Variants in GRM5 observed in about 807,000 individuals in gnomAD.
The protein encoded by GRM5 is metabotropic glutamate receptor 5.
Under a neutral mutation model 83.1 loss-of-function variants are expected in GRM5, and 19 were observed. The ratio of observed to expected loss-of-function variants is 0.23; its 90% CI spans 0.16 to 0.34. The LOEUF is 0.34. GRM5 is among the 10% of genes least tolerant of loss of function. GRM5 has a pLI of 1.00. For synonymous variants in GRM5, 675 were observed against 633.6 expected, an observed-to-expected ratio of 1.07 and a Z score of -0.98; for missense variants, 1,160 against 1,588.3, an observed-to-expected ratio of 0.73 and a Z score of 4.58.
chr11:88,711,800 T>TTA (rs1941287556), intron 3 of GRM5, among the ~76,000 whole-genome samples: 1 of 151,780 alleles, frequency 6.6e-6, no homozygotes, highest in Admixed American at 6.6e-5. Flanking sequence ...AACAAAAGTT[T>TTA]AGAGACTTTT....
intron 2 of GRM5, among the ~76,000 whole-genome samples, chr11:88,923,850 T>A (rs1426862175): frequency 6.9e-6 from 1 of 145,458 alleles, no homozygotes; most frequent in Non-Finnish European, 1.5e-5. Flanking sequence ...ATATATATAT[T>A]CATATATATT....
chr11:88,680,774 C>T (rs1940461149), intron 3 of GRM5, among the ~76,000 whole-genome samples: 1 of 152,164 alleles, frequency 6.6e-6, no homozygotes, highest in Non-Finnish European at 1.5e-5. Flanking sequence ...GTCTACATCC[C>T]ACCTTCTATT....
At chr11:88,649,165 ATGTG>A (rs1441708140) in intron 4 of GRM5, among the ~76,000 whole-genome samples, 1 of 134,732 alleles carries the variant, frequency 7.4e-6, no homozygotes, top group Non-Finnish European at 1.5e-5. Flanking sequence ...ATATACATAC[ATGTG>A]TATGTATATA....
chr11:88,654,528 A>G lies in GRM5; in HGVS notation c.912-1125T>C, dbSNP rs113273301. On this transcript the variant is annotated intron_variant, in intron 3 of 9. Transcript: ENST00000305447. ...GGGAAAATTTGACTAAATTACAAGTAACCTCAAAGAGAGAAGAGAAGGAAT... is the reference window on the plus strand; with the variant it reads ...GGGAAAATTTGACTAAATTACAAGTGACCTCAAAGAGAGAAGAGAAGGAAT... Among the ~76,000 whole-genome samples the G allele has an allele frequency of 4.5e-3, 681 of 152,202 alleles. 2 individuals are homozygous for G. The highest frequency in any genetic ancestry group is 0.015 in the African/African-American group (615 of 41,554).
intron 2 of GRM5, among the ~76,000 whole-genome samples, chr11:88,998,969 C>G (rs984907236): frequency 1.3e-5 from 2 of 151,802 alleles, no homozygotes; most frequent in African/African-American, 4.8e-5. Context: ...ACAAACCTGA[C>G]AAAAACAAGA....
chr11:88,596,018 T>G (rs1283505363), intron 6 of GRM5, among the ~76,000 whole-genome samples: 1 of 36,578 alleles, frequency 2.7e-5, no homozygotes, highest in Non-Finnish European at 1.3e-4. Flanking sequence ...TGCTCTAGAC[T>G]AAGCTTTAAT....
intron 8 of GRM5, among the ~76,000 whole-genome samples, chr11:88,550,418 C>T (rs2135145729): frequency 6.6e-6 from 1 of 152,266 alleles, no homozygotes; most frequent in African/African-American, 2.4e-5. Flanking sequence ...TAAAATGAAA[C>T]CGTGTACTTC....
intron 3 of GRM5, among the ~76,000 whole-genome samples, chr11:88,748,888 G>T (rs763422542): frequency 6.6e-6 from 1 of 151,924 alleles, no homozygotes; most frequent in South Asian, 2.1e-4. Flanking sequence ...CAACCAAACC[G>T]AAAACAACAA....
At chr11:88,709,402 AT>A (rs1160193484) in intron 3 of GRM5, among the ~76,000 whole-genome samples, 4 of 152,026 alleles carry the variant, frequency 2.6e-5, no homozygotes, top group Admixed American at 2.0e-4. Flanking sequence ...AGAATAAGAA[AT>A]CCTTTAAGCA....
intron 2 of GRM5, among the ~76,000 whole-genome samples, chr11:88,941,796 A>T (rs543528887): frequency 6.6e-6 from 1 of 152,172 alleles, no homozygotes; most frequent in South Asian, 2.1e-4. Context: ...ATACCTACTG[A>T]TGCGATGATG....
intron 2 of GRM5, among the ~76,000 whole-genome samples, chr11:88,885,899 A>G (rs1945036970): frequency 6.6e-6 from 1 of 152,116 alleles, no homozygotes; most frequent in Non-Finnish European, 1.5e-5. Context: ...CATTTTCAAG[A>G]TGGCAGCTCC....
chr11:88,584,407 C>G (rs1009948789), intron 7 of GRM5, among the ~76,000 whole-genome samples: 6 of 151,940 alleles, frequency 3.9e-5, no homozygotes, highest in African/African-American at 9.7e-5. Flanking sequence ...AGCAGCCCAT[C>G]ATGATTGCAT....
intron 3 of GRM5, among the ~76,000 whole-genome samples, chr11:88,668,223 C>CAT (rs1940097824): frequency 6.7e-6 from 1 of 149,746 alleles, no homozygotes; most frequent in African/African-American, 2.4e-5. Context: ...CACACACACA[C>CAT]ACACACACAA....
intron 2 of GRM5, among the ~76,000 whole-genome samples, chr11:88,975,599 T>C (rs1184462790): frequency 1.3e-5 from 2 of 152,184 alleles, no homozygotes; most frequent in Non-Finnish European, 2.9e-5. Flanking sequence ...AACATTGGCA[T>C]CACCTGGGAG....
chr11:88,953,539 C>G (rs114633545), intron 2 of GRM5, among the ~76,000 whole-genome samples: 4,083 of 152,202 alleles, frequency 0.027, 165 homozygotes, highest in African/African-American at 0.091. Flanking sequence ...CATAGGCTGA[C>G]CTCTTCTAAA....
At chr11:89,018,671 G>A (rs1361464138) in intron 2 of GRM5, among the ~76,000 whole-genome samples, 6 of 152,094 alleles carry the variant, frequency 3.9e-5, no homozygotes, top group Non-Finnish European at 8.8e-5. Context: ...TAGAGAGGAG[G>A]GCTGATACAA....
At chr11:88,655,999 CT>C (rs1180391205) in intron 3 of GRM5, among the ~76,000 whole-genome samples, 2 of 152,030 alleles carry the variant, frequency 1.3e-5, no homozygotes, top group African/African-American at 4.8e-5. Flanking sequence ...TATAAATATG[CT>C]TTTAAGATTT....
At chr11:88,786,677 G>A (rs1943074250) in intron 3 of GRM5, among the ~76,000 whole-genome samples, 2 of 152,056 alleles carry the variant, frequency 1.3e-5, no homozygotes, top group Admixed American at 1.3e-4. Flanking sequence ...TCTCATTAAG[G>A]ACATTCCTGA....
intron 2 of GRM5, 67 bp from the exon 3 acceptor site, chr11:88,850,222 A>G (rs1430186818): frequency 2.7e-5 from 19 of 706,448 alleles, no homozygotes; most frequent in Non-Finnish European, 7.5e-6. Context: ...GGGTATAATC[A>G]GAATGCAGGT....
Sources: allele counts gnomAD v4.1 joint callset (sites outside exome capture counted in the v4.1 genomes callset), GRCh38; gene constraint gnomAD v4.1.1; transcripts MANE v1.5; gene names NCBI Gene and HGNC (gene_info 2026-07-23, HGNC 2026-07-21).